ADD1: variants seen among roughly 807,000 people sequenced by gnomAD.
ADD1 encodes the protein alpha-adducin.
A neutral mutation model predicts 80.5 loss-of-function variants in ADD1; 24 were observed. The ratio of observed to expected loss-of-function variants is 0.30; its 90% confidence interval spans 0.22 to 0.42. The LOEUF (loss-of-function observed/expected upper bound fraction) is 0.42. Among genes scored for constraint, ADD1 ranks in the 10% least tolerant of loss-of-function variants. The pLI is 1.00. For missense variants in ADD1, 948 were observed against 1,019.0 expected (o/e 0.93, Z 0.95); for synonymous variants, 373 against 393.8 (o/e 0.95, Z 0.63).
chr4:2,889,021 A>C (rs760692583), intron 4 of ADD1, among the ~76,000 whole-genome samples: 18 of 152,330 alleles, frequency 1.2e-4, no homozygotes, highest in Admixed American at 5.9e-4. Flanking sequence ...CATGCTTCTA[A>C]AATTTAGATG....
At chr4:2,875,034 C>G (rs1731054675) in intron 1 of ADD1, among the ~76,000 whole-genome samples, 1 of 152,206 alleles carries the variant, frequency 6.6e-6, no homozygotes, top group Admixed American at 6.5e-5. Flanking sequence ...TGAGACCAGC[C>G]TCTGCAACTC....
At chr4:2,851,981 G>A (rs1727153193) in intron 1 of ADD1, among the ~76,000 whole-genome samples, 2 of 151,874 alleles carry the variant, frequency 1.3e-5, no homozygotes, top group Non-Finnish European at 2.9e-5. Context: ...TGAGATTACA[G>A]GCATGCATCA....
chr4:2,884,180 AT>A (rs1315374541), intron 3 of ADD1, among the ~76,000 whole-genome samples: 1 of 151,790 alleles, frequency 6.6e-6, no homozygotes, highest in African/African-American at 2.4e-5. Flanking sequence ...AAATTTGGCT[AT>A]CTTTTTGTTA....
Position 2,908,589 on chromosome 4 carries a change from C to A in ADD1, c.1683C>A (p.Asp561Glu). The A allele has an allele frequency of 6.2e-7, 1 of 1,614,188 alleles. No individual in the cohort carries two copies. Among genetic ancestry groups the A allele is most frequent in the Non-Finnish European group, 8.5e-7 (1 of 1,179,982 alleles). Residue 561 changes from aspartate (D) to glutamate (E), a missense_variant, in exon 12 of 16, where the codon GAC (aspartate) becomes GAA (glutamate). Coordinates refer to ENST00000683351, the MANE Select transcript of ADD1 (RefSeq NM_001354761.2). ...QSQVLCGVVM[D>E]RSLVQDAPLS... ...AGGTTTTGTGTGGTGTAGTGATGGA[C>A]AGGAGCCTCGTCCAGGTGAGAGCCC... is the stretch of plus-strand genomic sequence containing the variant.
chr4:2,908,301 A>C (rs1255839470), intron 11 of ADD1, among the ~76,000 whole-genome samples: 1 of 152,194 alleles, frequency 6.6e-6, no homozygotes, highest in Non-Finnish European at 1.5e-5. Flanking sequence ...AGATGTGGGG[A>C]GCTGGGAATA....
chr4:2,877,523 A>G (rs181320927), intron 2 of ADD1, among the ~76,000 whole-genome samples: 1 of 151,972 alleles, frequency 6.6e-6, no homozygotes, highest in African/African-American at 2.4e-5. Flanking sequence ...TTTACATTCT[A>G]GTCGAAGGAA....
At chr4:2,922,515 C>T (rs890793841) in intron 14 of ADD1, among the ~76,000 whole-genome samples, 1 of 152,198 alleles carries the variant, frequency 6.6e-6, no homozygotes, top group Non-Finnish European at 1.5e-5. Flanking sequence ...CTGGAAGTTT[C>T]GTCCCAGAGG....
Position 2,908,600 on chromosome 4 carries a change from T to A in ADD1, c.1694T>A (p.Val565Asp). 1 of 1,614,086 alleles carries A rather than the reference T, an allele frequency of 6.2e-7. No individual in the cohort carries two copies. The highest frequency in any genetic ancestry group is 8.5e-7 in the Non-Finnish European group (1 of 1,179,900). The change falls in exon 12 of 16, where the codon GTC becomes GAC. Residue 565 changes from valine to aspartate, a missense_variant. By Grantham distance (152) the Val-to-Asp change is radical. Coordinates refer to ENST00000683351, the MANE Select transcript of ADD1 (RefSeq NM_001354761.2). ...GGTGTAGTGATGGACAGGAGCCTCG[T>A]CCAGGTGAGAGCCCAGAGTGTCTCT... ...LCGVVMDRSL[V>D]QDAPLSDCTE...
At chr4:2,867,875 T>C (rs1287438958) in intron 1 of ADD1, 1 of 152,194 alleles carries the variant, frequency 6.6e-6, no homozygotes, top group Non-Finnish European at 1.5e-5. Context: ...GCAACCCCAT[T>C]ACTGGCTGCT....
rs753437388 is a variant in ADD1, at chr4:2,899,341, C to T, written c.1067C>T (p.Pro356Leu). 6 of 1,614,208 alleles carry T rather than the reference C, an allele frequency of 3.7e-6. No homozygotes were observed. The South Asian group carries it at 4.4e-5, about 12-fold the overall frequency. The change falls in exon 9 of 16, where the codon CCA becomes CTA. Residue 356 changes from proline to leucine, a missense_variant. By Grantham distance (98) the Pro-to-Leu change is moderately conservative (BLOSUM62 -3). Coordinates refer to ENST00000683351, the MANE Select transcript of ADD1 (RefSeq NM_001354761.2). ...PEKYKAKSRSPGSPVGEGTGS... is the reference protein window; with the variant it reads ...PEKYKAKSRSLGSPVGEGTGS... ...AAGTACAAAGCCAAGTCCCGTTCCC[C>T]AGGGTCTCCGGTAGGGGAAGGCACT...
At position 2,894,072 on chromosome 4, in the gene ADD1, T is replaced by G; in HGVS notation, c.570T>G (p.Ser190Arg). ...FLIVPFGLLY[S>R]EVTASSLVKI... ...TTGTCCCTTTTGGGCTTCTTTACAGTGAAGTGACTGCATCCAGTTTGGTAA... is the reference window on the plus strand; with the variant it reads ...TTGTCCCTTTTGGGCTTCTTTACAGGGAAGTGACTGCATCCAGTTTGGTAA... Residue 190 changes from serine (S) to arginine (R), a missense_variant, in exon 5 of 16, where the codon AGT (serine) becomes AGG (arginine). Physicochemically the swap from Ser to Arg is moderately radical, Grantham distance 110 (BLOSUM62 -1). Transcript: ENST00000683351. The G allele has an allele frequency of 1.2e-6, 2 of 1,614,072 alleles. No individual in the cohort carries two copies. The highest frequency in any genetic ancestry group is 1.7e-6 in the Non-Finnish European group (2 of 1,179,922).
Position 2,894,616 on chromosome 4 carries a change from G to A in ADD1, c.626G>A (p.Arg209His), listed in dbSNP as rs762721745. 1.2e-5 allele frequency: 19 copies of A among 1,609,054 alleles called. No homozygotes were observed. The highest frequency in any genetic ancestry group is 1.7e-5 in the Admixed American group (1 of 59,168). Reference protein sequence around the residue: ...KINLQGDIVDRGSTNLGVNQA... With the variant: ...KINLQGDIVDHGSTNLGVNQA... ...AATCTACAAGGAGATATAGTAGATC[G>A]TGGAAGCACTAATCTGGGAGTGAAT... Residue 209 changes from arginine to histidine, a missense_variant, in exon 6 of 16, where the codon CGT becomes CAT. Physicochemically the swap from Arg to His is conservative, Grantham distance 29. Coordinates refer to ENST00000683351, the MANE Select transcript of ADD1 (RefSeq NM_001354761.2).
In ADD1 at chr4:2,877,276, T is replaced by G. The variant is rs118070688; in HGVS notation, c.195+1166T>G. On this transcript the variant is annotated intron_variant, in intron 2 of 15. Transcript: ENST00000683351. The stretch of plus-strand genomic sequence containing the variant: ...GCCCCTTCATACCAGGGGAGTGTCA[T>G]TTGGCAGAAGTTTATTGATTTTCTT... Among the ~76,000 whole-genome samples the G allele has an allele frequency of 7.7e-4, 117 of 152,154 alleles. 2 individuals carry two copies. In the East Asian group the frequency reaches 0.021, roughly 27 times the overall value.
chr4:2,913,729 A>T lies in ADD1; in HGVS notation c.1792-1155A>T, dbSNP rs568685489. 3.9e-5 allele frequency among the ~76,000 whole-genome samples: 6 copies of T among 151,916 alleles called. No individual in the cohort carries two copies. The South Asian group carries it at 1.2e-3, about 32-fold the overall frequency. On this transcript the variant is annotated intron_variant, in intron 13 of 15. Transcript: ENST00000683351. ...CGGCCTGTGTGAGTTGAATTTCCCGAGTCAGCCCAGCTAGGACGCTCTCCA... is the reference window on the plus strand; with the variant it reads ...CGGCCTGTGTGAGTTGAATTTCCCGTGTCAGCCCAGCTAGGACGCTCTCCA...
chr4:2,869,703 G>A lies in ADD1; in HGVS notation c.-20-6193G>A, dbSNP rs577210758. On this transcript the variant is annotated intron_variant, in intron 1 of 15. Coordinates refer to ENST00000683351, the MANE Select transcript of ADD1 (RefSeq NM_001354761.2). Reference sequence around the variant, plus strand: ...TTTTGTTTGTTATCTCCTGCTCTTCGTATTTTTCAGTCTCTGGTGCCTTGC... The same window carrying A: ...TTTTGTTTGTTATCTCCTGCTCTTCATATTTTTCAGTCTCTGGTGCCTTGC... Among the ~76,000 whole-genome samples the A allele has an allele frequency of 1.4e-4, 21 of 152,232 alleles. 1 individual carries two copies. The South Asian group carries it at 3.5e-3, about 26-fold the overall frequency.
chr4:2,899,238 G>T, intron 8 of ADD1, 21 bp from the exon 9 acceptor site: 2 of 1,596,044 alleles, frequency 1.3e-6, no homozygotes, highest in Non-Finnish European at 1.7e-6. Flanking sequence ...CTCAAGCCAT[G>T]CTGTGTGTGT....
chr4:2,882,097 T>C (rs1209491924), intron 3 of ADD1, 37 bp downstream of exon 3: 1 of 1,529,964 alleles, frequency 6.5e-7, no homozygotes, highest in East Asian at 2.4e-5. Context: ...TGTTCTGTAG[T>C]TTTCAGGTAA....
At position 2,876,026 on chromosome 4, in the gene ADD1, G is replaced by A. The variant is rs774267803; in HGVS notation, c.111G>A (p.Arg37=). Residue 37 remains arginine (R), a synonymous_variant, in exon 2 of 16, where the codon AGG becomes AGA. Transcript: ENST00000683351. ...ATGAGAACAACCCAGAGTACTTGAG[G>A]GAGAGGAACATGGCACCAGACCTTC... ...RVDENNPEYL[R]ERNMAPDLRQ... The A allele has an allele frequency of 1.3e-5, 21 of 1,614,116 alleles. No homozygotes were observed. Among genetic ancestry groups the A allele is most frequent in the Non-Finnish European group, 1.8e-5 (21 of 1,179,992 alleles).
chr4:2,864,766 G>A (rs571666270), intron 1 of ADD1, among the ~76,000 whole-genome samples: 57 of 151,378 alleles, frequency 3.8e-4, no homozygotes, highest in Admixed American at 1.6e-3. Context: ...GGGAAGGGGG[G>A]CTTATTGCTC....
Sources: gnomAD v4.1 joint callset for allele counts (sites outside exome capture counted in the v4.1 genomes callset) on GRCh38, gnomAD v4.1.1 for gene constraint, MANE v1.5 for transcripts, NCBI Gene and HGNC (gene_info 2026-07-23, HGNC 2026-07-21) for gene names.